SPATA7: variants seen among roughly 807,000 people sequenced by gnomAD.
SPATA7 encodes the protein spermatogenesis-associated protein 7.
SPATA7 carries 43 observed loss-of-function variants against 51.8 expected under a neutral mutation model. The observed-to-expected ratio is 0.83, with a 90% CI of 0.65 to 1.07. SPATA7 has a LOEUF of 1.07. Among genes scored for constraint, SPATA7 ranks in the 50% least tolerant of loss-of-function variants. The pLI is 0.00. For synonymous variants in SPATA7, 230 were observed against 252.8 expected (o/e 0.91, Z 0.86); for missense variants, 683 against 701.3 (o/e 0.97, Z 0.30).
At chr14:88,442,576 T>C (rs775794798), downstream of SPATA7, among the ~76,000 whole-genome samples, 3 of 152,220 alleles carry the variant, frequency 2.0e-5, no homozygotes, top group Non-Finnish European at 2.9e-5. Flanking sequence ...ATTCTGTTTA[T>C]GTGGTATATC....
chr14:88,448,001 C>T (rs1595311867), intron 3 of SPATA7, among the ~76,000 whole-genome samples: 1 of 151,632 alleles, frequency 6.6e-6, no homozygotes, highest in African/African-American at 2.4e-5. Context: ...TTGTGGCGTT[C>T]TCTGTATTTC....
chr14:88,403,444 A>G (rs2076122922), intron 4 of SPATA7, among the ~76,000 whole-genome samples: 1 of 152,240 alleles, frequency 6.6e-6, no homozygotes, highest in Non-Finnish European at 1.5e-5. Context: ...GAATGGATAA[A>G]GAAAATGTGG....
intron 4 of SPATA7, among the ~76,000 whole-genome samples, chr14:88,462,849 A>G (rs1357140140): frequency 1.3e-5 from 2 of 152,248 alleles, no homozygotes; most frequent in Admixed American, 6.5e-5. Flanking sequence ...GAAGTTCTAC[A>G]GAAGTTCAAA....
At chr14:88,393,744 A>G in intron 3 of SPATA7, 1 of 285,824 alleles carries the variant, frequency 3.5e-6, no homozygotes, top group Non-Finnish European at 6.6e-6. Flanking sequence ...ATTTTGTTAG[A>G]TATTGCTTTT....
chr14:88,405,004 G>GA (rs1254761888), intron 4 of SPATA7, among the ~76,000 whole-genome samples: 2 of 151,858 alleles, frequency 1.3e-5, no homozygotes, highest in Non-Finnish European at 2.9e-5. Context: ...AAATGCAATG[G>GA]AAAAAAAATG....
downstream of SPATA7, among the ~76,000 whole-genome samples, chr14:88,442,911 G>T (rs1432996805): frequency 6.7e-6 from 1 of 149,710 alleles, no homozygotes; most frequent in Non-Finnish European, 1.5e-5. Context: ...AATTCATCTG[G>T]TCCTGGAATT....
intron 4 of SPATA7, among the ~76,000 whole-genome samples, chr14:88,407,087 G>C (rs138485695): frequency 1.1e-4 from 17 of 152,266 alleles, no homozygotes; most frequent in African/African-American, 3.9e-4. Context: ...ATGTGTGCAT[G>C]TGTCTTTATA....
At chr14:88,428,643 G>A (rs1405132678) in intron 7 of SPATA7, 2 of 152,188 alleles carry the variant, frequency 1.3e-5, no homozygotes, top group Non-Finnish European at 2.9e-5. Flanking sequence ...TTTTTGGAAA[G>A]AGTTAGCTTT....
intron 4 of SPATA7, among the ~76,000 whole-genome samples, chr14:88,403,813 C>T (rs1384582775): frequency 6.6e-6 from 1 of 152,052 alleles, no homozygotes; most frequent in Non-Finnish European, 1.5e-5. Context: ...TGAGTAAGTT[C>T]TGGAGATCTA....
chr14:88,465,461 C>G (rs10129917), intron 4 of SPATA7, among the ~76,000 whole-genome samples: 1 of 151,994 alleles, frequency 6.6e-6, no homozygotes, highest in South Asian at 2.1e-4. Context: ...AGCAAGACTC[C>G]GTCTCAAAAA....
At position 88,396,104 on chromosome 14, in the gene SPATA7, T is replaced by C. The variant is rs930835760; in HGVS notation, c.191-52T>C. ...TTTTGTGATTTCCACATTTGGTATT[T>C]GTCATTTATAAATACTGACAATATT... is the stretch of plus-strand genomic sequence containing the variant. On this transcript the variant is annotated intron_variant, in intron 3 of 11. Transcript: ENST00000393545. 1.8e-5 allele frequency: 26 copies of C among 1,439,828 alleles called. No individual in the cohort carries two copies. The African/African-American group carries it at 3.6e-4, about 20-fold the overall frequency. The allele number at this position is 1,439,828 out of a possible 1,614,324, so 89.2% of individuals were successfully genotyped here.
chr14:88,386,806 TC>T (rs1239870134), intron 1 of SPATA7, among the ~76,000 whole-genome samples: 1 of 152,316 alleles, frequency 6.6e-6, no homozygotes, highest in East Asian at 1.9e-4. Context: ...TTCCTTGATG[TC>T]TTTCTTTGAA....
chr14:88,458,941 CAA>C, downstream of SPATA7, among the ~76,000 whole-genome samples: 1 of 152,312 alleles, frequency 6.6e-6, no homozygotes, highest in East Asian at 1.9e-4. Context: ...TCACTGGTTT[CAA>C]AGAACATCTT....
Position 88,469,011 on chromosome 14 carries a change from TG to T in SPATA7, c.255-832del. ...CTGCAGTGGACCAACAACGGAGGGT[TG>T]GGGCTTTGGGGATCACTTGTGCTAT... On this transcript the variant is annotated intron_variant, in intron 4 of 4. Transcript: ENST00000556406. The surrounding 1 kb of genome is among the most constrained non-coding windows in gnomAD (Gnocchi z 4.3). 6.2e-7 allele frequency: 1 copy of T among 1,614,154 alleles called. No homozygotes were observed. The highest frequency in any genetic ancestry group is 1.1e-5 in the South Asian group (1 of 91,076).
chr14:88,462,907 A>G (rs553430382), intron 4 of SPATA7, among the ~76,000 whole-genome samples: 1 of 152,330 alleles, frequency 6.6e-6, no homozygotes, highest in East Asian at 1.9e-4. Context: ...TTATAATATT[A>G]AAGCATAACT....
At chr14:88,396,011 A>G (rs541125609) in intron 3 of SPATA7, 145 bp from the exon 4 acceptor site, 2 of 703,586 alleles carry the variant, frequency 2.8e-6, no homozygotes, top group Non-Finnish European at 5.2e-6. Context: ...CCAACAGTGT[A>G]TTTTTAATCA....
At chr14:88,429,136 A>G (rs1367048771) in intron 7 of SPATA7, 1 of 349,402 alleles carries the variant, frequency 2.9e-6, no homozygotes, top group Admixed American at 4.2e-5. Flanking sequence ...AATGCCACTC[A>G]TTAAAATACA....
At position 88,438,435 on chromosome 14, in the gene SPATA7, A is replaced by T; in HGVS notation, c.*13A>T. On this transcript the variant is annotated 3_prime_UTR_variant, in exon 12 of 12. Transcript: ENST00000393545. ...TTTGGATGTTTAATCTTCATTAATA[A>T]ATACCTCAAATGGCCAGTAACTCAA... 1 of 1,559,168 alleles carries T rather than the reference A, an allele frequency of 6.4e-7. No individual in the cohort carries two copies. The highest frequency in any genetic ancestry group is 8.8e-7 in the Non-Finnish European group (1 of 1,130,818).
At chr14:88,395,382 G>C (rs533538412) in intron 3 of SPATA7, among the ~76,000 whole-genome samples, 2 of 151,798 alleles carry the variant, frequency 1.3e-5, no homozygotes, top group South Asian at 4.2e-4. Context: ...AAAAACAAAA[G>C]AAAAATATTT....
Sources: allele counts gnomAD v4.1 joint callset (sites outside exome capture counted in the v4.1 genomes callset), GRCh38; gene constraint gnomAD v4.1.1; non-coding constraint Gnocchi (gnomAD v3.1); transcripts MANE v1.5; gene names NCBI Gene and HGNC (gene_info 2026-07-23, HGNC 2026-07-21).